The following TMC2 variants were observed in gnomAD, a reference collection of about 807,000 sequenced individuals.
TMC2 encodes transmembrane channel-like protein 2.
In TMC2, 102 loss-of-function variants were observed where a neutral mutation model predicts 105.9. The ratio of observed to expected loss-of-function variants is 0.96; its 90% CI spans 0.82 to 1.14. The LOEUF is 1.14. Ranked by LOEUF, TMC2 falls within the 50% of genes most tolerant of loss-of-function variation. TMC2 has a pLI of 0.00. For synonymous variants in TMC2, 402 were observed against 422.8 expected (o/e 0.95, Z 0.60); for missense variants, 1,093 against 1,134.3 (o/e 0.96, Z 0.52).
At chr20:2,623,364 AC>A (rs927112216) in intron 16 of TMC2, among the ~76,000 whole-genome samples, 12 of 152,014 alleles carry the variant, frequency 7.9e-5, no homozygotes, top group African/African-American at 2.9e-4. Flanking sequence ...ATGGTGAAAC[AC>A]CATCTCTACT....
rs768774470 is a variant in TMC2 at position 2,558,667 on chromosome 20, G to T, written c.294G>T (p.Arg98Ser). ...AGGCAGAGAGGACCTGCGAGGGCAG[G>T]AGAAAGCGCGACGAGAGGGCCTCCT... Reference protein sequence around the residue: ...RGEAERTCEGRRKRDERASFQ... With the variant: ...RGEAERTCEGSRKRDERASFQ... The change falls in exon 3 of 20, where the codon AGG becomes AGT. Residue 98 changes from arginine (R) to serine (S), a missense_variant. Arg to Ser is a moderately radical substitution (Grantham distance 110). Transcript: ENST00000358864. This position sits in a 1 kb window ranked among gnomAD's most constrained non-coding sequence, Gnocchi z 4.6. The T allele has an allele frequency of 1.3e-6, 2 of 1,593,100 alleles. No homozygotes were observed. Among genetic ancestry groups the T allele is most frequent in the Non-Finnish European group, 1.7e-6 (2 of 1,169,846 alleles).
chr20:2,558,704 A>G lies in TMC2; in HGVS notation c.331A>G (p.Thr111Ala), dbSNP rs374991224. Residue 111 changes from threonine to alanine, a missense_variant, in exon 3 of 20, where the codon ACA becomes GCA. Physicochemically the swap from Thr to Ala is moderately conservative, Grantham distance 58. Transcript: ENST00000358864. This position sits in a 1 kb window ranked among gnomAD's most constrained non-coding sequence, Gnocchi z 4.6. ...RDERASFQERTAAPKREKEIP... is the reference protein window; with the variant it reads ...RDERASFQERAAAPKREKEIP... Reference sequence around the variant, plus strand: ...CGAGAGGGCCTCCTTCCAGGAGCGGACAGCAGCCCCAAAGAGGGAAAAGGA... The same window carrying G: ...CGAGAGGGCCTCCTTCCAGGAGCGGGCAGCAGCCCCAAAGAGGGAAAAGGA... 2 of 1,604,802 alleles carry G rather than the reference A, an allele frequency of 1.2e-6. No homozygotes were observed. The highest frequency in any genetic ancestry group is 2.7e-5 in the African/African-American group (2 of 74,626).
rs1220099544 is a variant in TMC2, at chr20:2,624,306, C to A, written c.2216C>A (p.Thr739Asn). Reference sequence around the variant, plus strand: ...AGAATGTACGATGTCCTCCAAGAGACCATTGAAAACGATTTCCCAACCTTC... The same window carrying A: ...AGAATGTACGATGTCCTCCAAGAGAACATTGAAAACGATTTCCCAACCTTC... ...KNRMYDVLQE[T>N]IENDFPTFLG... The change falls in exon 17 of 20, where the codon ACC becomes AAC. Residue 739 changes from threonine (T) to asparagine (N), a missense_variant. By Grantham distance (65) the Thr-to-Asn change is moderately conservative. Transcript: ENST00000358864. 6.2e-7 allele frequency: 1 copy of A among 1,614,158 alleles called. No individual in the cohort carries two copies. Among genetic ancestry groups the A allele is most frequent in the Non-Finnish European group, 8.5e-7 (1 of 1,180,010 alleles).
intron 13 of TMC2, 129 bp downstream of exon 13, chr20:2,612,469 C>A (rs2086448472): frequency 2.2e-6 from 2 of 903,910 alleles, no homozygotes; most frequent in Admixed American, 6.5e-5. Flanking sequence ...ATTTCATAAT[C>A]ATCTAGGAGG....
At position 2,624,290 on chromosome 20, in the gene TMC2, G is replaced by T. The variant is rs776041474; in HGVS notation, c.2200G>T (p.Asp734Tyr). ...GPFSGKNRMY[D>Y]VLQETIENDF... The stretch of plus-strand genomic sequence containing the variant: ...TTCCAGTGGGAAAAACAGAATGTAC[G>T]ATGTCCTCCAAGAGACCATTGAAAA... Residue 734 changes from aspartate (D) to tyrosine (Y), a missense_variant, in exon 17 of 20, where the codon GAT (aspartate) becomes TAT (tyrosine). Transcript: ENST00000358864. 6.2e-7 allele frequency: 1 copy of T among 1,613,960 alleles called. No individual in the cohort carries two copies. The highest frequency in any genetic ancestry group is 8.5e-7 in the Non-Finnish European group (1 of 1,179,980).
At chr20:2,624,427 C>T (rs1018284691) in intron 17 of TMC2, 31 bp downstream of exon 17, 8 of 1,594,944 alleles carry the variant, frequency 5.0e-6, no homozygotes, top group Middle Eastern at 1.7e-4. Context: ...GGCTCCACCC[C>T]ACGGAAACTT....
At chr20:2,556,048 G>A (rs888762901) in intron 2 of TMC2, among the ~76,000 whole-genome samples, 2 of 151,740 alleles carry the variant, frequency 1.3e-5, no homozygotes, top group Admixed American at 1.3e-4. Context: ...TATCTTTTAG[G>A]TCAGTTAGGA....
At chr20:2,570,034 T>C (rs767741) in intron 4 of TMC2, among the ~76,000 whole-genome samples, 18,862 of 152,182 alleles carry the variant, frequency 0.12, 1,423 homozygotes, top group African/African-American at 0.21. Flanking sequence ...TCATACTGAA[T>C]GGGCAAAAAC....
chr20:2,562,311 C>T (rs538671745), intron 4 of TMC2, among the ~76,000 whole-genome samples: 7 of 152,376 alleles, frequency 4.6e-5, no homozygotes, highest in Admixed American at 1.3e-4. Flanking sequence ...GTGCCTCCCT[C>T]ACAGCCCAAC....
chr20:2,545,892 GAAAGAAAGAAAGAA>G (rs1411712664), intron 2 of TMC2, among the ~76,000 whole-genome samples: 7,285 of 104,866 alleles, frequency 0.069, 238 homozygotes, highest in East Asian at 0.11. Context: ...AGAAAGAAAT[GAAAGAAAGAAAGAA>G]AAAAAGAAAG....
chr20:2,597,328 G>T (rs201289610), intron 10 of TMC2, 30 bp downstream of exon 10: 5 of 1,606,690 alleles, frequency 3.1e-6, no homozygotes, highest in Non-Finnish European at 8.5e-7. Context: ...TCCCACTTCC[G>T]GAGAACTCTA....
intron 14 of TMC2, among the ~76,000 whole-genome samples, chr20:2,615,315 C>T (rs1451931600): frequency 3.9e-5 from 6 of 152,170 alleles, no homozygotes; most frequent in Admixed American, 1.3e-4. Context: ...AGCGAGACTC[C>T]GTCTCAATAA....
intron 10 of TMC2, among the ~76,000 whole-genome samples, chr20:2,597,654 ATTTTT>A (rs55869258): frequency 9.0e-5 from 13 of 145,190 alleles, no homozygotes; most frequent in South Asian, 2.2e-4. Flanking sequence ...TGCCCAGCTA[ATTTTT>A]TTTTTTTTTT....
At chr20:2,575,613 G>C (rs775496615) in intron 5 of TMC2, among the ~76,000 whole-genome samples, 4 of 152,124 alleles carry the variant, frequency 2.6e-5, no homozygotes, top group Non-Finnish European at 5.9e-5. Context: ...TTGTACAGCA[G>C]GTCTCTAGAC....
At chr20:2,607,556 A>G (rs1193507577) in intron 11 of TMC2, among the ~76,000 whole-genome samples, 1 of 152,146 alleles carries the variant, frequency 6.6e-6, no homozygotes, top group Admixed American at 6.5e-5. Flanking sequence ...TGCTGTTCTC[A>G]GATTGTTCCA....
At chr20:2,620,153 A>G (rs529769968) in intron 16 of TMC2, among the ~76,000 whole-genome samples, 1 of 152,344 alleles carries the variant, frequency 6.6e-6, no homozygotes, top group East Asian at 1.9e-4. Flanking sequence ...TTCCCAAGCA[A>G]AGTATTGAAG....
rs75474217 is a variant in TMC2 at position 2,586,980 on chromosome 20, A to G, written c.835-5330A>G. 5.3e-5 allele frequency among the ~76,000 whole-genome samples: 8 copies of G among 152,208 alleles called. No homozygotes were observed. In the East Asian group the frequency reaches 1.5e-3, roughly 29 times the overall value. ...TATAGAAAGATTGGTGGCATTTTTT[A>G]CTGGTTTTTAGTATAATTTTATAGT... is the stretch of plus-strand genomic sequence containing the variant. On this transcript the variant is annotated intron_variant, in intron 7 of 19. Transcript: ENST00000358864.
At chr20:2,636,437 C>T (rs1209945491) in intron 18 of TMC2, among the ~76,000 whole-genome samples, 1 of 149,802 alleles carries the variant, frequency 6.7e-6, no homozygotes, top group Non-Finnish European at 1.5e-5. Context: ...TCCCAGCTGA[C>T]ACCCTACTTC....
At chr20:2,583,461 C>A (rs1370069007) in intron 7 of TMC2, among the ~76,000 whole-genome samples, 3 of 142,616 alleles carry the variant, frequency 2.1e-5, no homozygotes, top group African/African-American at 7.9e-5. Flanking sequence ...ACCACATAAG[C>A]ACTTTTTTTT....
Sources: gnomAD v4.1 joint callset for allele counts (sites outside exome capture counted in the v4.1 genomes callset) on GRCh38, gnomAD v4.1.1 for gene constraint, Gnocchi (gnomAD v3.1) non-coding constraint, MANE v1.5 for transcripts, NCBI Gene and HGNC (gene_info 2026-07-23, HGNC 2026-07-21) for gene names.